The following MYOT variants were observed in gnomAD, a reference collection of about 807,000 sequenced individuals.
MYOT encodes the protein myotilin.
In MYOT, 36 loss-of-function variants were observed where a neutral mutation model predicts 58.0. That is an observed-to-expected ratio of 0.62 (90% CI 0.48 to 0.82). The LOEUF (loss-of-function observed/expected upper bound fraction) is 0.82. Ranked by LOEUF, MYOT falls within the 40% of genes least tolerant of loss-of-function variation. The probability of loss-of-function intolerance (pLI) is 0.00; values close to 1 mark genes in which losing one functional copy is unlikely to be tolerated. For missense variants in MYOT, 505 were observed against 592.1 expected, an observed-to-expected ratio of 0.85 and a Z score of 1.53; for synonymous variants, 218 against 204.6, an observed-to-expected ratio of 1.07 and a Z score of -0.56.
At chr5:137,876,816 A>G (rs1755238006) in intron 3 of MYOT, among the ~76,000 whole-genome samples, 1 of 152,052 alleles carries the variant, frequency 6.6e-6, no homozygotes, top group African/African-American at 2.4e-5. Flanking sequence ...AAATTAATTA[A>G]TTAAAATTAA....
intron 9 of MYOT, 58 bp from the exon 10 acceptor site, chr5:137,887,155 T>C: frequency 6.2e-7 from 1 of 1,602,792 alleles, no homozygotes; most frequent in Non-Finnish European, 8.5e-7. Flanking sequence ...AAATACCTAG[T>C]GTGACCAATT....
chr5:137,879,002 G>T (rs770125733), intron 4 of MYOT, among the ~76,000 whole-genome samples: 11 of 149,800 alleles, frequency 7.3e-5, no homozygotes, highest in Non-Finnish European at 1.5e-4. Context: ...CTGAAATTCA[G>T]TTTTTTTTTT....
rs777044655 is a variant in MYOT, at chr5:137,877,598, G to T, written c.610G>T (p.Asp204Tyr). The T allele has an allele frequency of 3.9e-5, 63 of 1,613,592 alleles. No homozygotes were observed. Among genetic ancestry groups the T allele is most frequent in the Non-Finnish European group, 5.3e-5 (63 of 1,179,570 alleles). ...AGCTGCTGTGTTTCAAGCTCAGGATGACAGTGGTGCACAAGACTCGCAGGT... is the reference window on the plus strand; with the variant it reads ...AGCTGCTGTGTTTCAAGCTCAGGATTACAGTGGTGCACAAGACTCGCAGGT... ...NAAAVFQAQD[D>Y]SGAQDSQQHN... is the part of the protein sequence containing the mutation. The change falls in exon 4 of 10, where the codon GAC (aspartate) becomes TAC (tyrosine). Residue 204 changes from aspartate to tyrosine, a missense_variant. Transcript: ENST00000239926.
At position 137,886,794 on chromosome 5, in the gene MYOT, T is replaced by A. The variant is rs1025405705; in HGVS notation, c.1191-70T>A. 3.4e-5 allele frequency: 38 copies of A among 1,110,206 alleles called. No homozygotes were observed. The African/African-American group carries it at 5.4e-4, about 16-fold the overall frequency. The allele number at this position is 1,110,206 out of a possible 1,614,324, so 68.8% of individuals were successfully genotyped here. A position where few individuals can be genotyped will look rare whatever the true frequency, so the allele number is the denominator to read the frequency against. The stretch of plus-strand genomic sequence containing the variant: ...AATGTTTTTTTCTTCCTAGTCTGAC[T>A]GTTGGTCAGAGACATCCACTTCACA... On this transcript the variant is annotated intron_variant, in intron 8 of 9. Transcript: ENST00000239926.
chr5:137,881,507 A>C (rs963715420), intron 5 of MYOT, among the ~76,000 whole-genome samples: 2 of 152,138 alleles, frequency 1.3e-5, no homozygotes, highest in Non-Finnish European at 2.9e-5. Context: ...TCTACTAAAA[A>C]TACAAAATTA....
Position 137,881,980 on chromosome 5 carries a change from T to A in MYOT, c.691T>A (p.Ser231Thr), listed in dbSNP as rs745868615. The A allele has an allele frequency of 1.9e-6, 3 of 1,613,982 alleles. No homozygotes were observed. Among genetic ancestry groups the A allele is most frequent in the Admixed American group, 1.7e-5 (1 of 60,020 alleles). Residue 231 changes from serine (S) to threonine (T), a missense_variant, in exon 6 of 10, where the codon TCA becomes ACA. Ser to Thr is a moderately conservative substitution (Grantham distance 58). Transcript: ENST00000239926. ...QVPTSQVRSR[S>T]TSRGDVNDQD... ...ACCAAAATATTCTTGTAGAAGTAGA[T>A]CAACCTCAAGGGGAGATGTGAATGA... is the stretch of plus-strand genomic sequence containing the variant.
At chr5:137,877,079 AT>A (rs1246480475) in intron 3 of MYOT, among the ~76,000 whole-genome samples, 1 of 151,380 alleles carries the variant, frequency 6.6e-6, no homozygotes, top group African/African-American at 2.4e-5. Context: ...AAAAAAAAAA[AT>A]AGAATCAGCC....
Position 137,870,874 on chromosome 5 carries a change from C to T in MYOT, c.223C>T (p.Gln75Ter). 6.2e-7 allele frequency: 1 copy of T among 1,614,216 alleles called. No homozygotes were observed. The highest frequency in any genetic ancestry group is 8.5e-7 in the Non-Finnish European group (1 of 1,180,040). The change falls in exon 2 of 10, where the codon CAG becomes TAG. Residue 75 changes from glutamine (Q) to a stop codon, truncating the protein, a stop_gained. Coordinates refer to ENST00000239926, the MANE Select transcript of MYOT (RefSeq NM_006790.3). LOFTEE classifies it high-confidence loss of function. ...CTCTGCTTTCCCTGCTTCTCCCCAGCAGCATGCTGGCTCCAACCCAGGCCA... is the reference window on the plus strand; with the variant it reads ...CTCTGCTTTCCCTGCTTCTCCCCAGTAGCATGCTGGCTCCAACCCAGGCCA... ...SSSAFPASPQ[Q>*]HAGSNPGQRV...
In MYOT at chr5:137,870,507, C is replaced by A; in HGVS notation, c.-145C>A. 1 of 760,852 alleles carries A rather than the reference C, an allele frequency of 1.3e-6. No individual in the cohort carries two copies. The allele number at this position is 760,852 out of a possible 1,614,324, so 47.1% of individuals were successfully genotyped here. A position where few individuals can be genotyped will look rare whatever the true frequency, so the allele number is the denominator to read the frequency against. ...GAGCACAGTATTCTCAGGATCTCAA[C>A]AAGGAAGAGCAGACCAAGGTTGCTT... On this transcript the variant is annotated 5_prime_UTR_variant, in exon 2 of 10. Transcript: ENST00000239926.
Position 137,883,391 on chromosome 5 carries a change from G to A in MYOT, c.824G>A (p.Gly275Glu), listed in dbSNP as rs1390844278. 6.2e-7 allele frequency: 1 copy of A among 1,613,926 alleles called. No individual in the cohort carries two copies. The highest frequency in any genetic ancestry group is 8.5e-7 in the Non-Finnish European group (1 of 1,179,966). ...TTGTGTTTTTCTTTCTAGGTGAGTG[G>A]ACTGCCAGCTCCTGATGTGTCATGG... is the stretch of plus-strand genomic sequence containing the variant. ...RFCRMDFKVS[G>E]LPAPDVSWYL... The change falls in exon 7 of 10, where the codon GGA (glycine) becomes GAA (glutamate). Residue 275 changes from glycine (G) to glutamate (E), a missense_variant. Coordinates refer to ENST00000239926, the MANE Select transcript of MYOT (RefSeq NM_006790.3).
At chr5:137,869,366 AT>A (rs1303460617) in intron 1 of MYOT, among the ~76,000 whole-genome samples, 1 of 152,368 alleles carries the variant, frequency 6.6e-6, no homozygotes, top group Non-Finnish European at 1.5e-5. Context: ...ATGTCTATAT[AT>A]AGTCCCGCTT....
chr5:137,884,293 T>G (rs1198485398), intron 7 of MYOT, among the ~76,000 whole-genome samples: 2 of 152,204 alleles, frequency 1.3e-5, no homozygotes, highest in African/African-American at 4.8e-5. Context: ...GTTTGAGGTT[T>G]CAGTGAGCTA....
chr5:137,869,715 TAAAC>T (rs1754980740), intron 1 of MYOT, among the ~76,000 whole-genome samples: 1 of 151,860 alleles, frequency 6.6e-6, no homozygotes, highest in Non-Finnish European at 1.5e-5. Context: ...AAATACATAC[TAAAC>T]AAATAATAAA....
chr5:137,884,907 T>C (rs986834495), intron 7 of MYOT, among the ~76,000 whole-genome samples: 1 of 152,246 alleles, frequency 6.6e-6, no homozygotes, highest in Non-Finnish European at 1.5e-5. Context: ...GTTTATATTC[T>C]ACCCAGATCA....
At chr5:137,868,403 T>A (rs1022492620) in intron 1 of MYOT, among the ~76,000 whole-genome samples, 3 of 152,232 alleles carry the variant, frequency 2.0e-5, no homozygotes, top group Admixed American at 2.0e-4. Flanking sequence ...CCCTGTCATA[T>A]AACAGAATCT....
chr5:137,886,757 T>C, intron 8 of MYOT, 107 bp from the exon 9 acceptor site: 1 of 870,112 alleles, frequency 1.1e-6, no homozygotes, highest in Non-Finnish European at 1.9e-6. Flanking sequence ...AGATACAGCT[T>C]TGGAATTTTC....
chr5:137,881,799 C>A (rs538823257), intron 5 of MYOT, among the ~76,000 whole-genome samples, 174 bp from the exon 6 acceptor site: 2 of 152,066 alleles, frequency 1.3e-5, no homozygotes, highest in Admixed American at 1.3e-4. Context: ...CGGGTTCAAG[C>A]GATTCTCCTG....
intron 4 of MYOT, among the ~76,000 whole-genome samples, chr5:137,877,920 T>C (rs1561661000): frequency 6.6e-6 from 1 of 152,194 alleles, no homozygotes; most frequent in Non-Finnish European, 1.5e-5. Flanking sequence ...CTATGGTGTC[T>C]ACACGGACAG....
rs528241485 is a variant in MYOT at position 137,886,398 on chromosome 5, A to C, written c.1190+185A>C. ...AAACTTCAGTAAGCCAGATTCCACTAATCAGAAATGTAAGGCATAAAGTAG... is the reference window on the plus strand; with the variant it reads ...AAACTTCAGTAAGCCAGATTCCACTCATCAGAAATGTAAGGCATAAAGTAG... On this transcript the variant is annotated intron_variant, in intron 8 of 9. Coordinates refer to ENST00000239926, the MANE Select transcript of MYOT (RefSeq NM_006790.3). Among the ~76,000 whole-genome samples the C allele has an allele frequency of 9.9e-5, 15 of 152,278 alleles. No individual in the cohort carries two copies. The East Asian group carries it at 2.7e-3, about 27-fold the overall frequency.
Sources: gnomAD v4.1 joint callset for allele counts (sites outside exome capture counted in the v4.1 genomes callset) on GRCh38, gnomAD v4.1.1 for gene constraint, MANE v1.5 for transcripts, NCBI Gene and HGNC (gene_info 2026-07-23, HGNC 2026-07-21) for gene names.